Variants in PAK2 observed in about 807,000 individuals in gnomAD.
PAK2 encodes the protein serine/threonine-protein kinase PAK 2.
Under a neutral mutation model 65.9 loss-of-function variants are expected in PAK2, and 21 were observed. That is an observed-to-expected ratio of 0.32 (90% CI 0.23 to 0.46). The LOEUF (loss-of-function observed/expected upper bound fraction) is 0.46. Ranked by LOEUF, PAK2 falls within the 20% of genes least tolerant of loss-of-function variation. PAK2 has a pLI of 1.00. For synonymous variants in PAK2, 204 were observed against 219.7 expected (o/e 0.93, Z 0.63); for missense variants, 324 against 642.6 (o/e 0.50, Z 5.36).
rs1284820818 is a variant in PAK2 at position 196,820,642 on chromosome 3, C to T, written c.1350+75C>T. ...TTATTTAGAACTTGCACGTGCCTGG[C>T]ACTGTCCAAGAATTTAAAGTAGAAG... On this transcript the variant is annotated intron_variant, in intron 13 of 14. Transcript: ENST00000327134. This position sits in a 1 kb window ranked among gnomAD's most constrained non-coding sequence, Gnocchi z 4.6. 1.2e-5 allele frequency: 9 copies of T among 766,450 alleles called. No individual in the cohort carries two copies. The highest frequency in any genetic ancestry group is 1.9e-5 in the Non-Finnish European group (9 of 479,466). 47.5% of individuals were successfully genotyped at this position (766,450 alleles called of 1,614,324 possible). A position where few individuals can be genotyped will look rare whatever the true frequency, so the allele number is the denominator to read the frequency against.
chr3:196,783,468 G>A (rs1199628293), intron 2 of PAK2, among the ~76,000 whole-genome samples: 1 of 151,694 alleles, frequency 6.6e-6, no homozygotes, highest in Admixed American at 6.6e-5. Context: ...TGTAATCCCA[G>A]CTACTTGGGA....
intron 7 of PAK2, among the ~76,000 whole-genome samples, chr3:196,808,463 A>C (rs1038916027): frequency 1.3e-5 from 2 of 150,884 alleles, no homozygotes; most frequent in African/African-American, 4.9e-5. Flanking sequence ...TGGGAGGCTG[A>C]GGCAAGAGAA....
chr3:196,796,982 A>G (rs1209737409), intron 2 of PAK2, among the ~76,000 whole-genome samples: 3 of 152,238 alleles, frequency 2.0e-5, no homozygotes, highest in Non-Finnish European at 4.4e-5. Context: ...AAATTCAATT[A>G]TAATCGGAGA....
intron 1 of PAK2, among the ~76,000 whole-genome samples, chr3:196,746,028 C>A (rs1363296660): frequency 6.6e-6 from 1 of 150,414 alleles, no homozygotes; most frequent in East Asian, 1.9e-4. Flanking sequence ...GGGGTTTCAC[C>A]GTATTAGCCA....
At chr3:196,772,845 T>G (rs1041968438) in intron 1 of PAK2, among the ~76,000 whole-genome samples, 2 of 152,210 alleles carry the variant, frequency 1.3e-5, no homozygotes, top group Admixed American at 1.3e-4. Context: ...GATTAATTAG[T>G]GTTACTGCAT....
intron 1 of PAK2, among the ~76,000 whole-genome samples, chr3:196,771,838 G>C (rs552791012): frequency 6.6e-6 from 1 of 152,144 alleles, no homozygotes; most frequent in Admixed American, 6.5e-5. Flanking sequence ...GATTACAGGC[G>C]TGAGCTACCA....
At position 196,827,415 on chromosome 3, in the gene PAK2, A is replaced by G. The variant is rs536708150; in HGVS notation, c.1488+82A>G. ...GAAAGCTTTCCTAGGGCTAATAAGT[A>G]GATTTCACTACTCATTGATCACCAG... On this transcript the variant is annotated intron_variant, in intron 14 of 14. Transcript: ENST00000327134. The G allele has an allele frequency of 2.6e-6, 4 of 1,540,224 alleles. No homozygotes were observed. In the South Asian group the frequency reaches 5.2e-5, roughly 20 times the overall value.
intron 1 of PAK2, among the ~76,000 whole-genome samples, chr3:196,749,026 T>C (rs1278184756): frequency 6.6e-6 from 1 of 152,190 alleles, no homozygotes; most frequent in East Asian, 1.9e-4. Context: ...TTTTTGTGAC[T>C]TATTTCACTT....
intron 13 of PAK2, among the ~76,000 whole-genome samples, chr3:196,824,218 A>G (rs185847430): frequency 2.0e-5 from 3 of 152,348 alleles, no homozygotes; most frequent in African/African-American, 2.4e-5. Flanking sequence ...TCGTCTGTAC[A>G]TAGTGGATCT....
intron 11 of PAK2, 74 bp from the exon 12 acceptor site, chr3:196,817,983 C>A: frequency 1.5e-6 from 1 of 670,476 alleles, no homozygotes; most frequent in Non-Finnish European, 2.8e-6. Flanking sequence ...AATGCTCAGG[C>A]CATAGCTACT....
chr3:196,775,774 T>C (rs536703992), intron 1 of PAK2, among the ~76,000 whole-genome samples: 231 of 152,356 alleles, frequency 1.5e-3, no homozygotes, highest in African/African-American at 4.0e-3. Flanking sequence ...AATGTCTCTC[T>C]GGCTCAGCCG....
chr3:196,815,096 C>G (rs529242405), intron 11 of PAK2, among the ~76,000 whole-genome samples: 1 of 152,012 alleles, frequency 6.6e-6, no homozygotes, highest in South Asian at 2.1e-4. Flanking sequence ...AGGAGAATGG[C>G]GTGAACCTGG....
chr3:196,749,434 C>T (rs745804529), intron 1 of PAK2, among the ~76,000 whole-genome samples: 4 of 152,046 alleles, frequency 2.6e-5, no homozygotes, highest in Non-Finnish European at 5.9e-5. Context: ...TAGTAGCCAT[C>T]CTAATGGGTA....
At chr3:196,759,498 G>GTTTTTGTTTTTTTTT (rs1713882169) in intron 1 of PAK2, among the ~76,000 whole-genome samples, 5 of 108,110 alleles carry the variant, frequency 4.6e-5, no homozygotes, top group Non-Finnish European at 7.2e-5. Flanking sequence ...GGTTTTTTTT[G>GTTTTTGTTTTTTTTT]TTTTTTTTTT....
At position 196,823,791 on chromosome 3, in the gene PAK2, G is replaced by A. The variant is rs186624900; in HGVS notation, c.1350+3224G>A. The stretch of plus-strand genomic sequence containing the variant: ...GTGGGAGAATTGCTTGAAACTGGGC[G>A]ACAGGGAGAGATTCTGTCGCAAAAA... On this transcript the variant is annotated intron_variant, in intron 13 of 14. Coordinates refer to ENST00000327134, the MANE Select transcript of PAK2 (RefSeq NM_002577.4). 3.8e-4 allele frequency among the ~76,000 whole-genome samples: 54 copies of A among 143,928 alleles called. 1 individual carries two copies. The South Asian group carries it at 4.7e-3, about 12-fold the overall frequency. The allele number at this position is 143,928 out of a possible 152,430, so 94.4% of individuals were successfully genotyped here.
chr3:196,798,987 A>G (rs968494346), intron 2 of PAK2, among the ~76,000 whole-genome samples: 2 of 152,246 alleles, frequency 1.3e-5, no homozygotes, highest in Non-Finnish European at 2.9e-5. Flanking sequence ...CAGGAAAAAT[A>G]AAATTTCTCT....
At chr3:196,749,904 C>A (rs1713512842) in intron 1 of PAK2, among the ~76,000 whole-genome samples, 2 of 151,948 alleles carry the variant, frequency 1.3e-5, no homozygotes, top group African/African-American at 4.8e-5. Context: ...TCACTGCAGC[C>A]TCGAGCTCCT....
Position 196,820,298 on chromosome 3 carries a change from C to A in PAK2, c.1154-73C>A. 2.7e-6 allele frequency: 2 copies of A among 754,408 alleles called. No homozygotes were observed. Among genetic ancestry groups the A allele is most frequent in the Non-Finnish European group, 4.1e-6 (2 of 492,060 alleles). The allele number at this position is 754,408 out of a possible 1,614,324, so 46.7% of individuals were successfully genotyped here. On this transcript the variant is annotated intron_variant, in intron 12 of 14. Transcript: ENST00000327134. The surrounding 1 kb of genome is among the most constrained non-coding windows in gnomAD (Gnocchi z 4.6). Reference sequence around the variant, plus strand: ...CTAATAGTCAAAATATAATTAATTACATAATCTGAAGTGAACTCTTCTGCT... The same window carrying A: ...CTAATAGTCAAAATATAATTAATTAAATAATCTGAAGTGAACTCTTCTGCT...
chr3:196,751,695 A>ATATATATATATAAATTAC (rs201718807), intron 1 of PAK2, among the ~76,000 whole-genome samples: 1 of 65,710 alleles, frequency 1.5e-5, no homozygotes, highest in African/African-American at 6.9e-5. Flanking sequence ...ATATATATAT[A>ATATATATATATAAATTAC]ATTCAGGCTA....
Sources: gnomAD v4.1 joint callset for allele counts (sites outside exome capture counted in the v4.1 genomes callset) on GRCh38, gnomAD v4.1.1 for gene constraint, Gnocchi (gnomAD v3.1) non-coding constraint, MANE v1.5 for transcripts, NCBI Gene and HGNC (gene_info 2026-07-23, HGNC 2026-07-21) for gene names.